TTPA: variants seen among roughly 807,000 people sequenced by gnomAD.
The protein encoded by TTPA is alpha-tocopherol transfer protein.
In TTPA, 23 loss-of-function variants were observed where a neutral mutation model predicts 25.9. The ratio of observed to expected loss-of-function variants is 0.89; its 90% CI spans 0.64 to 1.26. The LOEUF (loss-of-function observed/expected upper bound fraction) is 1.26, where lower values mean the gene tolerates loss of function less well. Among genes scored for constraint, TTPA ranks in the 50% most tolerant of loss-of-function variants. The pLI is 0.00. For missense variants in TTPA, 337 were observed against 353.1 expected, an observed-to-expected ratio of 0.95 and a Z score of 0.37; for synonymous variants, 148 against 137.3, an observed-to-expected ratio of 1.08 and a Z score of -0.54.
At chr8:63,084,496 T>G (rs563922707) in intron 1 of TTPA, among the ~76,000 whole-genome samples, 16 of 152,336 alleles carry the variant, frequency 1.1e-4, no homozygotes, top group African/African-American at 3.8e-4. Context: ...TATAGTCTAA[T>G]ATATCCATCC....
chr8:63,061,377 G>A lies in TTPA; in HGVS notation c.712C>T (p.Pro238Ser). Residue 238 changes from proline to serine, a missense_variant, in exon 5 of 5, where the codon CCA (proline) becomes TCA (serine). Transcript: ENST00000260116. The stretch of plus-strand genomic sequence containing the variant: ...CCATATTCCAGAGGAAGAATGTCTG[G>A]GAAATGCTGAAGCAAGCTTTGTTTG... ...NYKQSLLQHF[P>S]DILPLEYGGE... The A allele has an allele frequency of 6.2e-7, 1 of 1,613,954 alleles. No homozygotes were observed. Among genetic ancestry groups the A allele is most frequent in the East Asian group, 2.2e-5 (1 of 44,810 alleles).
chr8:63,064,207 C>T lies in TTPA; in HGVS notation c.662G>A (p.Arg221Gln), dbSNP rs773074844. 6.8e-6 allele frequency: 11 copies of T among 1,606,414 alleles called. No individual in the cohort carries two copies. The East Asian group carries it at 1.1e-4, about 16-fold the overall frequency. ...CAGACTTGAATATATTTTACTCACC[C>T]GTTCCTTAATTTTTTCAGTCAGGAA... is the stretch of plus-strand genomic sequence containing the variant. ...KPFLTEKIKE[R>Q]IHMHGNNYKQ... Residue 221 changes from arginine (R) to glutamine (Q), a missense_variant and splice_region_variant, in exon 4 of 5, where the codon CGG becomes CAG. Coordinates refer to ENST00000260116, the MANE Select transcript of TTPA (RefSeq NM_000370.3).
intron 2 of TTPA, among the ~76,000 whole-genome samples, chr8:63,067,376 A>G (rs1805409358): frequency 6.6e-6 from 1 of 152,004 alleles, no homozygotes. Flanking sequence ...CCAACTAATA[A>G]AAGTTCTAGA....
At chr8:63,070,308 G>A (rs1367571360) in intron 2 of TTPA, among the ~76,000 whole-genome samples, 2 of 152,158 alleles carry the variant, frequency 1.3e-5, no homozygotes, top group African/African-American at 4.8e-5. Flanking sequence ...TTCACCTTGG[G>A]TTGCCCGGCC....
chr8:63,060,986 C>T lies in TTPA; in HGVS notation c.*266G>A. The T allele has an allele frequency of 2.2e-5, 8 of 364,212 alleles. No homozygotes were observed. In the South Asian group the frequency reaches 2.4e-4, roughly 11 times the overall value. The allele number at this position is 364,212 out of a possible 1,614,324, so 22.6% of individuals were successfully genotyped here. On this transcript the variant is annotated 3_prime_UTR_variant, in exon 5 of 5. Coordinates refer to ENST00000260116, the MANE Select transcript of TTPA (RefSeq NM_000370.3). The stretch of plus-strand genomic sequence containing the variant: ...GAGCAGCTACTTTAGCAATAACTTT[C>T]ATGTTCTCTTCAAGTACAAAATCGC...
chr8:63,065,956 T>C lies in TTPA; in HGVS notation c.500A>G (p.His167Arg), dbSNP rs2129745809. The C allele has an allele frequency of 6.2e-7, 1 of 1,613,706 alleles. No homozygotes were observed. The highest frequency in any genetic ancestry group is 8.5e-7 in the Non-Finnish European group (1 of 1,179,632). ...IFDLEGWQFSHAFQITPSVAK... is the reference protein window; with the variant it reads ...IFDLEGWQFSRAFQITPSVAK... ...TACGGATGGAGTGATTTGAAAAGCA[T>C]GAGAAAACTGCCAACCTTCCAGATC... The change falls in exon 3 of 5, where the codon CAT becomes CGT. Residue 167 changes from histidine to arginine, a missense_variant. Physicochemically the swap from His to Arg is conservative, Grantham distance 29. Coordinates refer to ENST00000260116, the MANE Select transcript of TTPA (RefSeq NM_000370.3).
At position 63,064,227 on chromosome 8, in the gene TTPA, C is replaced by A; in HGVS notation, c.642G>T (p.Leu214=). Residue 214 remains leucine (L), a synonymous_variant, in exon 4 of 5, where the codon CTG becomes CTT. Transcript: ENST00000260116. ...HAVFSMIKPF[L]TEKIKERIHM... ...TCACCCGTTCCTTAATTTTTTCAGT[C>A]AGGAATGGTTTGATCATGGAAAAGA... The A allele has an allele frequency of 6.2e-7, 1 of 1,612,498 alleles. No individual in the cohort carries two copies. Among genetic ancestry groups the A allele is most frequent in the South Asian group, 1.1e-5 (1 of 90,946 alleles).
At chr8:63,065,074 A>C (rs1052167383) in intron 3 of TTPA, among the ~76,000 whole-genome samples, 11 of 152,242 alleles carry the variant, frequency 7.2e-5, no homozygotes, top group Non-Finnish European at 1.5e-4. Flanking sequence ...TGTTGCAAGA[A>C]TCCATCAAAT....
rs2129762610 is a variant in TTPA, at chr8:63,072,973, C to T, written c.320G>A (p.Arg107Lys). ...AAGAACTTTGCTGCCAGTGGGATCC[C>T]TGGATCTCAGGACTCCATGGTAGCC... ...KAGYHGVLRS[R>K]DPTGSKVLIY... Residue 107 changes from arginine to lysine, a missense_variant, in exon 2 of 5, where the codon AGG (arginine) becomes AAG (lysine). Arg to Lys is a conservative substitution (Grantham distance 26). Coordinates refer to ENST00000260116, the MANE Select transcript of TTPA (RefSeq NM_000370.3). The T allele has an allele frequency of 6.2e-7, 1 of 1,614,040 alleles. No homozygotes were observed. The highest frequency in any genetic ancestry group is 1.1e-5 in the South Asian group (1 of 91,080).
At chr8:63,059,054 C>A (rs1429760210), downstream of TTPA, among the ~76,000 whole-genome samples, 18 of 72,740 alleles carry the variant, frequency 2.5e-4, no homozygotes, top group Admixed American at 2.1e-3. Context: ...TTTTTTGAGA[C>A]GGAGTCTCGC....
Position 63,085,919 on chromosome 8 carries a change from C to A in TTPA, c.103G>T (p.Ala35Ser). ...GCGAGCGGGACGCCAGCTTCCCGGG[C>A]CCGGCGCCGCAGCGCCGCCAGGCCC... ...QPGLAALRRR[A>S]REAGVPLAPL... Residue 35 changes from alanine to serine, a missense_variant, in exon 1 of 5, where the codon GCC (alanine) becomes TCC (serine). Ala to Ser is a moderately conservative substitution (Grantham distance 99). Transcript: ENST00000260116. 1 of 1,523,712 alleles carries A rather than the reference C, an allele frequency of 6.6e-7. No homozygotes were observed. The highest frequency in any genetic ancestry group is 8.8e-7 in the Non-Finnish European group (1 of 1,141,550). 94.4% of individuals were successfully genotyped at this position (1,523,712 alleles called of 1,614,324 possible). A position where few individuals can be genotyped will look rare whatever the true frequency, so the allele number is the denominator to read the frequency against.
downstream of TTPA, among the ~76,000 whole-genome samples, chr8:63,059,019 A>ATTT (rs1805247793): frequency 4.8e-5 from 5 of 105,074 alleles, no homozygotes; most frequent in Admixed American, 1.1e-4. Flanking sequence ...GGCAGGGTCC[A>ATTT]GTTTTTTTTT....
rs1396778067 is a variant in TTPA at position 63,059,504 on chromosome 8, A to G, written c.*1748T>C. Reference sequence around the variant, plus strand: ...TAAACTAATTTTCTTATAAAGAAAAACACCCTTCACATATCCTTACATAAA... The same window carrying G: ...TAAACTAATTTTCTTATAAAGAAAAGCACCCTTCACATATCCTTACATAAA... On this transcript the variant is annotated 3_prime_UTR_variant, in exon 5 of 5. Coordinates refer to ENST00000260116, the MANE Select transcript of TTPA (RefSeq NM_000370.3). Among the ~76,000 whole-genome samples the G allele has an allele frequency of 6.6e-6, 1 of 152,172 alleles. No individual in the cohort carries two copies. Among genetic ancestry groups the G allele is most frequent in the Non-Finnish European group, 1.5e-5 (1 of 68,026 alleles).
At position 63,061,223 on chromosome 8, in the gene TTPA, T is replaced by A. The variant is rs1324334250; in HGVS notation, c.*29A>T. Reference sequence around the variant, plus strand: ...TTGGATATCACTCATGTATTTTTAGTTAGGAAGCCATTCACATGACATAAC... The same window carrying A: ...TTGGATATCACTCATGTATTTTTAGATAGGAAGCCATTCACATGACATAAC... On this transcript the variant is annotated 3_prime_UTR_variant, in exon 5 of 5. Coordinates refer to ENST00000260116, the MANE Select transcript of TTPA (RefSeq NM_000370.3). The A allele has an allele frequency of 1.2e-6, 2 of 1,608,204 alleles. No homozygotes were observed. Among genetic ancestry groups the A allele is most frequent in the Non-Finnish European group, 1.7e-6 (2 of 1,176,988 alleles).
intron 4 of TTPA, among the ~76,000 whole-genome samples, chr8:63,063,580 C>A (rs528619560): frequency 6.6e-6 from 1 of 152,226 alleles, no homozygotes; most frequent in Admixed American, 6.5e-5. Context: ...GCTCCCAAAC[C>A]TATTCTCATC....
At position 63,061,092 on chromosome 8, in the gene TTPA, T is replaced by G; in HGVS notation, c.*160A>C. ...AAAGCATTTAAAAAGTAAAAAATCT[T>G]TCCAAACACCTGTGTTGCTCATGTC... On this transcript the variant is annotated 3_prime_UTR_variant, in exon 5 of 5. Coordinates refer to ENST00000260116, the MANE Select transcript of TTPA (RefSeq NM_000370.3). 1.4e-6 allele frequency: 1 copy of G among 716,936 alleles called. No individual in the cohort carries two copies. Among genetic ancestry groups the G allele is most frequent in the Non-Finnish European group, 2.3e-6 (1 of 439,148 alleles). 44.4% of individuals were successfully genotyped at this position (716,936 alleles called of 1,614,324 possible). A position where few individuals can be genotyped will look rare whatever the true frequency, so the allele number is the denominator to read the frequency against.
At chr8:63,076,748 G>A (rs1805568264) in intron 1 of TTPA, among the ~76,000 whole-genome samples, 1 of 152,064 alleles carries the variant, frequency 6.6e-6, no homozygotes, top group African/African-American at 2.4e-5. Context: ...TATGTTTAAT[G>A]CCTCATTTAA....
chr8:63,083,566 C>T (rs1805697361), intron 1 of TTPA, among the ~76,000 whole-genome samples: 1 of 151,478 alleles, frequency 6.6e-6, no homozygotes, highest in African/African-American at 2.4e-5. Context: ...AGCAAACCAA[C>T]ATGGCACATG....
At chr8:63,085,776 G>C (rs1270613217) in intron 1 of TTPA, 42 bp downstream of exon 1, 3 of 1,525,936 alleles carry the variant, frequency 2.0e-6, no homozygotes, top group Non-Finnish European at 2.6e-6. Flanking sequence ...GACGGGGCGG[G>C]TGAGGTGCGC....
Sources: gnomAD v4.1 joint callset for allele counts (sites outside exome capture counted in the v4.1 genomes callset) on GRCh38, gnomAD v4.1.1 for gene constraint, MANE v1.5 for transcripts, NCBI Gene and HGNC (gene_info 2026-07-23, HGNC 2026-07-21) for gene names.